PPP1R3A: variants seen among roughly 807,000 people sequenced by gnomAD.
The protein encoded by PPP1R3A is protein phosphatase 1 regulatory subunit 3A.
PPP1R3A carries 29 observed loss-of-function variants against 41.7 expected under a neutral mutation model. The observed-to-expected ratio is 0.70, with a 90% CI of 0.52 to 0.95. The LOEUF (loss-of-function observed/expected upper bound fraction) is 0.95. Ranked by LOEUF, PPP1R3A falls within the 40% of genes least tolerant of loss-of-function variation. The probability of loss-of-function intolerance (pLI) is 0.00; values close to 1 mark genes in which losing one functional copy is unlikely to be tolerated. For synonymous variants in PPP1R3A, 485 were observed against 453.4 expected (o/e 1.07, Z -0.89); for missense variants, 1,352 against 1,292.4 (o/e 1.05, Z -0.71).
In PPP1R3A at chr7:113,879,091, C is replaced by T. The variant is rs1201264827; in HGVS notation, c.2001G>A (p.Glu667=). 6 of 1,613,618 alleles carry T rather than the reference C, an allele frequency of 3.7e-6. No individual in the cohort carries two copies. Among genetic ancestry groups the T allele is most frequent in the African/African-American group, 2.7e-5 (2 of 74,856 alleles). Residue 667 remains glutamate, a synonymous_variant, in exon 4 of 4, where the codon GAG becomes GAA. Coordinates refer to ENST00000284601, the MANE Select transcript of PPP1R3A (RefSeq NM_002711.4). ...TATGCTCTGTTATGTTTGTCTTATT[C>T]TCTCTTGATTTTCCCTGACTTTCCA... The part of the protein sequence containing the change: ...NVLESQGKSR[E]NKTNITEHIK...
At position 113,918,531 on chromosome 7, in the gene PPP1R3A, A is replaced by G. The variant is rs775273798; in HGVS notation, c.466T>C (p.Leu156=). The change falls in exon 1 of 4, where the codon TTA becomes CTA. Residue 156 remains leucine, a synonymous_variant. Coordinates refer to ENST00000284601, the MANE Select transcript of PPP1R3A (RefSeq NM_002711.4). ...IRVLNVSFEK[L]VYVRMSLDDW... ...TCTAAAGACATTCTTACATATACTA[A>G]CTTCTCAAAAGAAACATTCAAAACT... The G allele has an allele frequency of 1.2e-6, 2 of 1,612,730 alleles. No homozygotes were observed. Among genetic ancestry groups the G allele is most frequent in the Non-Finnish European group, 8.5e-7 (1 of 1,179,386 alleles).
intron 1 of PPP1R3A, among the ~76,000 whole-genome samples, chr7:113,896,024 G>T (rs1296453680): frequency 6.6e-6 from 1 of 151,882 alleles, no homozygotes; most frequent in Admixed American, 6.6e-5. Context: ...GCGTATAAGA[G>T]AGTCATTAAT....
Position 113,878,098 on chromosome 7 carries a change from T to A in PPP1R3A, c.2994A>T (p.Gln998His). 6.2e-7 allele frequency: 1 copy of A among 1,613,468 alleles called. No individual in the cohort carries two copies. Among genetic ancestry groups the A allele is most frequent in the Non-Finnish European group, 8.5e-7 (1 of 1,179,674 alleles). Residue 998 changes from glutamine (Q) to histidine (H), a missense_variant, in exon 4 of 4, where the codon CAA becomes CAT. Physicochemically the swap from Gln to His is conservative, Grantham distance 24 (BLOSUM62 0). Coordinates refer to ENST00000284601, the MANE Select transcript of PPP1R3A (RefSeq NM_002711.4). ...ATTTTTCCACACTATACTCTTCTGTTTGGAAAATCTGGCCTATGCATCTTT... is the reference window on the plus strand; with the variant it reads ...ATTTTTCCACACTATACTCTTCTGTATGGAAAATCTGGCCTATGCATCTTT... ...RKERCIGQIF[Q>H]TEEYSVEKSL...
chr7:113,913,182 A>G (rs1797280175), intron 1 of PPP1R3A, among the ~76,000 whole-genome samples: 1 of 152,098 alleles, frequency 6.6e-6, no homozygotes, highest in Non-Finnish European at 1.5e-5. Flanking sequence ...CGAGTTAGTT[A>G]TGGCATACGT....
intron 1 of PPP1R3A, among the ~76,000 whole-genome samples, chr7:113,908,999 A>G (rs1797193633): frequency 6.6e-6 from 1 of 151,906 alleles, no homozygotes. Flanking sequence ...AATTATGAAG[A>G]GAAAGAGGGG....
intron 1 of PPP1R3A, among the ~76,000 whole-genome samples, chr7:113,904,217 G>A (rs1469243498): frequency 1.3e-5 from 2 of 151,602 alleles, no homozygotes; most frequent in East Asian, 3.9e-4. Flanking sequence ...TTAGTTTATC[G>A]AAGCACTATG....
chr7:113,913,845 C>A (rs1164116236), intron 1 of PPP1R3A, among the ~76,000 whole-genome samples: 2 of 152,094 alleles, frequency 1.3e-5, no homozygotes, highest in Non-Finnish European at 2.9e-5. Context: ...CCCAGAGAAT[C>A]TGAACTTGGT....
intron 1 of PPP1R3A, among the ~76,000 whole-genome samples, chr7:113,891,094 A>AC (rs1341522577): frequency 2.0e-5 from 3 of 148,316 alleles, no homozygotes; most frequent in Admixed American, 6.8e-5. Flanking sequence ...CAAAAAAAAA[A>AC]AAAAAAAAAA....
In PPP1R3A at chr7:113,879,806, T is replaced by G; in HGVS notation, c.1286A>C (p.Gln429Pro). 1.2e-6 allele frequency: 2 copies of G among 1,613,550 alleles called. No homozygotes were observed. Among genetic ancestry groups the G allele is most frequent in the Non-Finnish European group, 1.7e-6 (2 of 1,179,682 alleles). ...GACTTCTTTGCTGCCAGTATGTAATTGCACTAGTTCATCACTACTAGTATC... is the reference window on the plus strand; with the variant it reads ...GACTTCTTTGCTGCCAGTATGTAATGGCACTAGTTCATCACTACTAGTATC... ...LGDTSSDELV[Q>P]LHTGSKEVLD... Residue 429 changes from glutamine (Q) to proline (P), a missense_variant, in exon 4 of 4, where the codon CAA (glutamine) becomes CCA (proline). Gln to Pro is a moderately conservative substitution (Grantham distance 76, BLOSUM62 -1). Transcript: ENST00000284601.
chr7:113,899,081 C>T (rs1797022076), intron 1 of PPP1R3A, among the ~76,000 whole-genome samples: 3 of 151,714 alleles, frequency 2.0e-5, no homozygotes, highest in Non-Finnish European at 4.4e-5. Context: ...CAGTACTTTG[C>T]AATTTTTTGG....
chr7:113,916,655 A>G (rs1363159233), intron 1 of PPP1R3A, among the ~76,000 whole-genome samples: 1 of 152,104 alleles, frequency 6.6e-6, no homozygotes, highest in Admixed American at 6.6e-5. Context: ...TTTCTCTAAC[A>G]TATAGAGCAA....
intron 1 of PPP1R3A, among the ~76,000 whole-genome samples, chr7:113,884,171 T>C (rs1002843843): frequency 2.6e-5 from 4 of 152,026 alleles, no homozygotes; most frequent in Admixed American, 6.6e-5. Context: ...ACCATGTTCA[T>C]AGATAGAAAA....
At position 113,877,646 on chromosome 7, in the gene PPP1R3A, A is replaced by G; in HGVS notation, c.*77T>C. ...AAAAACTGCACTGGATCTTTGAACA[A>G]TGAATAGTCCCATTCACCAATCCAA... On this transcript the variant is annotated 3_prime_UTR_variant, in exon 4 of 4. Coordinates refer to ENST00000284601, the MANE Select transcript of PPP1R3A (RefSeq NM_002711.4). 1 of 1,445,442 alleles carries G rather than the reference A, an allele frequency of 6.9e-7. No individual in the cohort carries two copies. Among genetic ancestry groups the G allele is most frequent in the East Asian group, 2.3e-5 (1 of 43,466 alleles). 89.5% of individuals were successfully genotyped at this position (1,445,442 alleles called of 1,614,324 possible).
At chr7:113,917,328 C>T in intron 1 of PPP1R3A, among the ~76,000 whole-genome samples, 1 of 152,000 alleles carries the variant, frequency 6.6e-6, no homozygotes, top group East Asian at 1.9e-4. Flanking sequence ...CTCTGGGATA[C>T]TGAGGAGCAG....
At chr7:113,892,743 T>C (rs1276069436) in intron 1 of PPP1R3A, among the ~76,000 whole-genome samples, 1 of 151,884 alleles carries the variant, frequency 6.6e-6, no homozygotes, top group Non-Finnish European at 1.5e-5. Flanking sequence ...ATGCCAGAAA[T>C]GAAAACGAAA....
intron 1 of PPP1R3A, among the ~76,000 whole-genome samples, chr7:113,901,556 A>T (rs746106277): frequency 6.6e-6 from 1 of 151,810 alleles, no homozygotes; most frequent in Non-Finnish European, 1.5e-5. Flanking sequence ...TTAAAGTAGG[A>T]ATGTCACAGA....
At chr7:113,884,884 C>T (rs1796756147) in intron 1 of PPP1R3A, among the ~76,000 whole-genome samples, 1 of 151,912 alleles carries the variant, frequency 6.6e-6, no homozygotes, top group Non-Finnish European at 1.5e-5. Context: ...AGGGTGCAGA[C>T]ATTTCAGAGA....
At chr7:113,904,810 A>G (rs1215139865) in intron 1 of PPP1R3A, among the ~76,000 whole-genome samples, 2 of 151,592 alleles carry the variant, frequency 1.3e-5, no homozygotes, top group South Asian at 2.1e-4. Flanking sequence ...GTATCCCTCC[A>G]TATTTTCCAG....
At chr7:113,884,299 A>G (rs1285775342) in intron 1 of PPP1R3A, among the ~76,000 whole-genome samples, 1 of 152,044 alleles carries the variant, frequency 6.6e-6, no homozygotes, top group Non-Finnish European at 1.5e-5. Context: ...ATAAAGGGCA[A>G]ATGATGGCTA....
Sources: allele counts gnomAD v4.1 joint callset (sites outside exome capture counted in the v4.1 genomes callset), GRCh38; gene constraint gnomAD v4.1.1; transcripts MANE v1.5; gene names NCBI Gene and HGNC (gene_info 2026-07-23, HGNC 2026-07-21).